MBD1: variants seen among roughly 807,000 people sequenced by gnomAD.
MBD1 encodes methyl-CpG binding domain protein 1.
Under a neutral mutation model 82.6 loss-of-function variants are expected in MBD1, and 25 were observed. The observed-to-expected ratio is 0.30, with a 90% CI of 0.22 to 0.42. The LOEUF (loss-of-function observed/expected upper bound fraction) is 0.42, where lower values mean the gene tolerates loss of function less well. Ranked by LOEUF, MBD1 falls within the 10% of genes least tolerant of loss-of-function variation. MBD1 has a pLI of 1.00. For synonymous variants in MBD1, 301 were observed against 303.7 expected (o/e 0.99, Z 0.09); for missense variants, 627 against 819.6 (o/e 0.76, Z 2.87).
At position 50,279,226 on chromosome 18, in the gene MBD1, T is replaced by A. The variant is rs76239820; in HGVS notation, c.110+657A>T. ...GTCAACTATGCTTTATTGATCGTCA[T>A]TTCATGAACCCACCAATGTAGCTGC... On this transcript the variant is annotated intron_variant, in intron 2 of 16. Coordinates refer to ENST00000269468, the MANE Select transcript of MBD1 (RefSeq NM_015846.4). Among the ~76,000 whole-genome samples, 739 of 152,348 alleles carry A rather than the reference T, an allele frequency of 4.9e-3. 3 individuals are homozygous for A. Among genetic ancestry groups the A allele is most frequent in the African/African-American group, 0.017 (690 of 41,574 alleles).
At position 50,274,963 on chromosome 18, in the gene MBD1, G is replaced by T. The variant is rs780839958; in HGVS notation, c.978+14C>A. 3 of 1,611,248 alleles carry T rather than the reference G, an allele frequency of 1.9e-6. No individual in the cohort carries two copies. Among genetic ancestry groups the T allele is most frequent in the South Asian group, 2.2e-5 (2 of 90,946 alleles). On this transcript the variant is annotated intron_variant, in intron 10 of 16. Transcript: ENST00000269468. The stretch of plus-strand genomic sequence containing the variant: ...GAGATTCTAGGCTTATCCAGGTAGG[G>T]TGGGGCCACTCACTAGCTCGTCCTC...
intron 2 of MBD1, 90 bp from the exon 3 acceptor site, chr18:50,277,294 A>T: frequency 1.9e-6 from 2 of 1,055,634 alleles, no homozygotes; most frequent in Non-Finnish European, 2.9e-6. Context: ...AGGATATAGG[A>T]GGCAGCCTGG....
At position 50,274,014 on chromosome 18, in the gene MBD1, T is replaced by C. The variant is rs1023997946; in HGVS notation, c.1147-151A>G. The C allele has an allele frequency of 6.4e-5, 84 of 1,307,464 alleles. No homozygotes were observed. The Middle Eastern group carries it at 1.2e-3, about 19-fold the overall frequency. 81.0% of individuals were successfully genotyped at this position (1,307,464 alleles called of 1,614,324 possible). On this transcript the variant is annotated intron_variant, in intron 11 of 16. Coordinates refer to ENST00000269468, the MANE Select transcript of MBD1 (RefSeq NM_015846.4). ...TTCATCACTGAGCCTGCTAGTCTCC[T>C]ATTAGCAACACCAATGCCACCTAGA...
At chr18:50,271,402 AC>A (rs1363879915) in intron 16 of MBD1, 66 bp downstream of exon 16, 1 of 1,612,208 alleles carries the variant, frequency 6.2e-7, no homozygotes, top group Non-Finnish European at 8.5e-7. Flanking sequence ...AGCCCTGGCA[AC>A]CAATCTAGGG....
At chr18:50,274,900 T>C (rs1163980259) in intron 10 of MBD1, 77 bp downstream of exon 10, 2 of 1,474,554 alleles carry the variant, frequency 1.4e-6, no homozygotes, top group African/African-American at 2.8e-5. Context: ...AATAGGCTCA[T>C]TCCAGCATCT....
intron 16 of MBD1, chr18:50,271,010 A>T: frequency 1.0e-6 from 1 of 996,698 alleles, no homozygotes; most frequent in Non-Finnish European, 1.2e-6. Context: ...TTAAGGATTA[A>T]ATAAACTGGG....
chr18:50,276,060 G>T (rs2037745484), intron 6 of MBD1, 79 bp from the exon 7 acceptor site: 1 of 1,539,636 alleles, frequency 6.5e-7, no homozygotes, highest in Non-Finnish European at 8.8e-7. Context: ...CCCTACATCA[G>T]CTGGCATCAC....
Position 50,281,377 on chromosome 18 carries a change from G to A in MBD1, c.-40C>T, listed in dbSNP as rs987843463. On this transcript the variant is annotated 5_prime_UTR_variant, in exon 1 of 17. Coordinates refer to ENST00000269468, the MANE Select transcript of MBD1 (RefSeq NM_015846.4). ...GGCTGTCTCACCAGTTTGGCACCAGGCCGGTATCTTCCGCCACTCTAGGCC... is the reference window on the plus strand; with the variant it reads ...GGCTGTCTCACCAGTTTGGCACCAGACCGGTATCTTCCGCCACTCTAGGCC... 3 of 737,810 alleles carry A rather than the reference G, an allele frequency of 4.1e-6. No homozygotes were observed. The highest frequency in any genetic ancestry group is 3.5e-5 in the African/African-American group (2 of 57,954). The allele number at this position is 737,810 out of a possible 1,614,324, so 45.7% of individuals were successfully genotyped here.
intron 2 of MBD1, among the ~76,000 whole-genome samples, chr18:50,278,783 G>C (rs2039082104): frequency 6.6e-6 from 1 of 152,176 alleles, no homozygotes; most frequent in South Asian, 2.1e-4. Flanking sequence ...ACAGGGTTAG[G>C]TTCCTGAGAG....
chr18:50,276,048 G>A (rs1202532966), intron 6 of MBD1, 67 bp from the exon 7 acceptor site: 2 of 1,565,022 alleles, frequency 1.3e-6, no homozygotes, highest in African/African-American at 1.4e-5. Flanking sequence ...CATGTCTACT[G>A]ACCCTACATC....
intron 2 of MBD1, among the ~76,000 whole-genome samples, chr18:50,278,790 A>G (rs1045995337): frequency 6.6e-6 from 1 of 152,222 alleles, no homozygotes; most frequent in African/African-American, 2.4e-5. Flanking sequence ...TAGGTTCCTG[A>G]GAGCATCTGA....
chr18:50,275,285 C>T lies in MBD1; in HGVS notation c.793-40G>A, dbSNP rs188492060. ...AAAGGGTGGTTTCAGCTTGGTGGCA[C>T]CAGGCAGACACAGAAACTCCCCACA... On this transcript the variant is annotated intron_variant, in intron 8 of 16. Transcript: ENST00000269468. 5 of 1,611,130 alleles carry T rather than the reference C, an allele frequency of 3.1e-6. No homozygotes were observed. In the African/African-American group the frequency reaches 4.0e-5, roughly 13 times the overall value.
At chr18:50,274,853 C>A in intron 10 of MBD1, 124 bp downstream of exon 10, 1 of 980,466 alleles carries the variant, frequency 1.0e-6, no homozygotes, top group Non-Finnish European at 1.6e-6. Flanking sequence ...TCTACTCATC[C>A]CATCCTAGGA....
intron 8 of MBD1, 146 bp downstream of exon 8, chr18:50,275,454 A>G: frequency 1.3e-6 from 2 of 1,599,826 alleles, no homozygotes; most frequent in Non-Finnish European, 1.7e-6. Flanking sequence ...GCTGGCAGAC[A>G]GAGGCAGGTA....
downstream of MBD1, among the ~76,000 whole-genome samples, chr18:50,268,474 G>A (rs1367400906): frequency 6.6e-6 from 1 of 152,252 alleles, no homozygotes. Flanking sequence ...CTTCCCTCTG[G>A]CCCTAGCCCA....
chr18:50,272,628 A>G (rs772127048), intron 15 of MBD1, 49 bp downstream of exon 15: 12 of 1,604,174 alleles, frequency 7.5e-6, no homozygotes, highest in Middle Eastern at 3.3e-4. Context: ...CAGGGCCCAC[A>G]TCTGGCCAAC....
chr18:50,281,536 C>A, upstream of MBD1: 3 of 576,566 alleles, frequency 5.2e-6, no homozygotes, highest in South Asian at 2.2e-5. Context: ...AACCGGAAGT[C>A]CGCTGCCTGC....
chr18:50,275,587 C>T lies in MBD1; in HGVS notation c.792+13G>A. On this transcript the variant is annotated intron_variant, in intron 8 of 16. Coordinates refer to ENST00000269468, the MANE Select transcript of MBD1 (RefSeq NM_015846.4). ...ACAGCAGAATGAGCTCTGCTCCCTC[C>T]AGCCCAACTCACCCGTAGGCAACGT... 2 of 1,614,170 alleles carry T rather than the reference C, an allele frequency of 1.2e-6. No individual in the cohort carries two copies.
intron 5 of MBD1, 46 bp from the exon 6 acceptor site, chr18:50,276,464 G>A: frequency 1.3e-6 from 2 of 1,591,352 alleles, no homozygotes; most frequent in South Asian, 1.1e-5. Context: ...GGAAGCAACA[G>A]ACATCTGACT....
Sources: gnomAD v4.1 joint callset for allele counts (sites outside exome capture counted in the v4.1 genomes callset) on GRCh38, gnomAD v4.1.1 for gene constraint, MANE v1.5 for transcripts, NCBI Gene and HGNC (gene_info 2026-07-23, HGNC 2026-07-21) for gene names.